The following POT1 variants were observed in gnomAD, a reference collection of about 807,000 sequenced individuals.
POT1 encodes protection of telomeres 1.
Under a neutral mutation model 78.5 loss-of-function variants are expected in POT1, and 47 were observed. The ratio of observed to expected loss-of-function variants is 0.60; its 90% confidence interval spans 0.47 to 0.76. The LOEUF is 0.76. Among genes scored for constraint, POT1 ranks in the 30% least tolerant of loss-of-function variants. The pLI is 0.00. For synonymous variants in POT1, 259 were observed against 260.7 expected (o/e 0.99, Z 0.06); for missense variants, 646 against 749.9 (o/e 0.86, Z 1.62).
In POT1 at chr7:124,885,698, G is replaced by A. The variant is rs370201157; in HGVS notation, c.124+6568C>T. On this transcript the variant is annotated intron_variant, in intron 6 of 18. Transcript: ENST00000357628. ...GGAGAATGGCGTGAACCCAGGAGGC[G>A]GAGCTTGCAGTGAGCTAAGATCATG... 1.7e-4 allele frequency among the ~76,000 whole-genome samples: 26 copies of A among 151,992 alleles called. No homozygotes were observed. The South Asian group carries it at 5.2e-3, about 30-fold the overall frequency.
At chr7:124,841,233 T>C in intron 13 of POT1, 55 bp from the exon 14 acceptor site, 4 of 1,365,090 alleles carry the variant, frequency 2.9e-6, no homozygotes. Context: ...AGCGTGAAGA[T>C]TTCCATTTAA....
intron 15 of POT1, among the ~76,000 whole-genome samples, chr7:124,831,893 G>A (rs756467385): frequency 4.0e-5 from 6 of 150,520 alleles, no homozygotes; most frequent in Non-Finnish European, 8.8e-5. Flanking sequence ...TGATGAGAAG[G>A]ATTTAATCCA....
intron 7 of POT1, among the ~76,000 whole-genome samples, chr7:124,867,925 C>T (rs766406505): frequency 1.9e-4 from 29 of 152,062 alleles, no homozygotes; most frequent in Non-Finnish European, 3.7e-4. Context: ...GGATTATAGG[C>T]GTGAGCCACC....
chr7:124,921,838 A>C lies in POT1; in HGVS notation c.-226-6192T>G, dbSNP rs375682400. ...AACATACACACGTAATTGGCATCCC[A>C]AAAAAGAGAAAAGGGTAATAATGTG... On this transcript the variant is annotated intron_variant, in intron 2 of 18. Transcript: ENST00000357628. 2.0e-4 allele frequency among the ~76,000 whole-genome samples: 31 copies of C among 152,196 alleles called. 1 individual carries two copies. In the East Asian group the frequency reaches 2.7e-3, roughly 13 times the overall value.
chr7:124,895,408 C>A (rs1447742313), intron 5 of POT1, among the ~76,000 whole-genome samples: 1 of 151,382 alleles, frequency 6.6e-6, no homozygotes, highest in Non-Finnish European at 1.5e-5. Context: ...AAAATGTGAG[C>A]CCTGGTTAAA....
intron 12 of POT1, among the ~76,000 whole-genome samples, chr7:124,843,995 G>A (rs1795095433): frequency 6.6e-6 from 1 of 152,080 alleles, no homozygotes; most frequent in South Asian, 2.1e-4. Flanking sequence ...AGATACTTCT[G>A]TGACAAATGA....
At chr7:124,864,720 T>C (rs146006702) in intron 7 of POT1, among the ~76,000 whole-genome samples, 3 of 152,198 alleles carry the variant, frequency 2.0e-5, no homozygotes, top group Non-Finnish European at 4.4e-5. Context: ...TTTTCAATGG[T>C]AGAATTCCAT....
chr7:124,872,152 A>C (rs1795885849), intron 6 of POT1, among the ~76,000 whole-genome samples: 1 of 152,108 alleles, frequency 6.6e-6, no homozygotes, highest in Non-Finnish European at 1.5e-5. Context: ...TGTTGTTGTA[A>C]ATGACAGAAT....
At chr7:124,842,570 G>A (rs942721791) in intron 13 of POT1, among the ~76,000 whole-genome samples, 1 of 151,808 alleles carries the variant, frequency 6.6e-6, no homozygotes, top group South Asian at 2.1e-4. Context: ...TTTCTCATTT[G>A]CCTTTATCAG....
intron 2 of POT1, among the ~76,000 whole-genome samples, chr7:124,922,115 G>C (rs1554441876): frequency 6.7e-6 from 1 of 149,184 alleles, no homozygotes; most frequent in African/African-American, 2.5e-5. Context: ...AGTCCTAAAA[G>C]AAAAAAAAAG....
intron 7 of POT1, among the ~76,000 whole-genome samples, chr7:124,864,829 A>G (rs780327937): frequency 2.0e-5 from 3 of 152,140 alleles, no homozygotes; most frequent in African/African-American, 7.2e-5. Flanking sequence ...CTTTAAATAG[A>G]CATTTCTCTT....
chr7:124,829,384 A>C (rs1374533993), intron 15 of POT1, 42 bp from the exon 16 acceptor site: 1 of 1,298,028 alleles, frequency 7.7e-7, no homozygotes, highest in Non-Finnish European at 1.1e-6. Flanking sequence ...TTTAAAAATA[A>C]TTTAGCTTGT....
rs368344336 is a variant in POT1 at position 124,853,151 on chromosome 7, T to C, written c.703-13A>G. Reference sequence around the variant, plus strand: ...GAAAGCTTCCAACCTAAAAAATAGATCATTTGTTATTTAGAAAGTGGGGAA... The same window carrying C: ...GAAAGCTTCCAACCTAAAAAATAGACCATTTGTTATTTAGAAAGTGGGGAA... On this transcript the variant is annotated splice_polypyrimidine_tract_variant and intron_variant, in intron 9 of 18. Transcript: ENST00000357628. 1 of 1,535,360 alleles carries C rather than the reference T, an allele frequency of 6.5e-7. No individual in the cohort carries two copies. Among genetic ancestry groups the C allele is most frequent in the Non-Finnish European group, 8.9e-7 (1 of 1,127,214 alleles).
chr7:124,900,863 C>A, intron 3 of POT1: 1 of 374,808 alleles, frequency 2.7e-6, no homozygotes, highest in Non-Finnish European at 5.6e-6. Context: ...CCATGCCTGG[C>A]TCATCAGGTC....
intron 3 of POT1, among the ~76,000 whole-genome samples, chr7:124,908,178 G>A (rs977481744): frequency 1.3e-5 from 2 of 151,978 alleles, no homozygotes; most frequent in African/African-American, 4.8e-5. Flanking sequence ...AATCTTGTTA[G>A]GTTACCATAT....
intron 3 of POT1, among the ~76,000 whole-genome samples, chr7:124,904,280 A>G (rs1295353729): frequency 6.6e-6 from 1 of 152,030 alleles, no homozygotes; most frequent in Admixed American, 6.6e-5. Context: ...AAATACTGGC[A>G]AACCAAATCC....
intron 16 of POT1, among the ~76,000 whole-genome samples, chr7:124,828,339 T>G (rs895522506): frequency 6.6e-6 from 1 of 152,148 alleles, no homozygotes; most frequent in Non-Finnish European, 1.5e-5. Context: ...AATAAGAAAT[T>G]AGACATACTG....
At chr7:124,835,866 C>T (rs1794889308) in intron 14 of POT1, among the ~76,000 whole-genome samples, 1 of 152,032 alleles carries the variant, frequency 6.6e-6, no homozygotes, top group Admixed American at 6.6e-5. Flanking sequence ...AATATGAATT[C>T]ACATATAAAA....
chr7:124,855,355 C>T (rs1179331107), intron 9 of POT1, among the ~76,000 whole-genome samples: 3 of 151,162 alleles, frequency 2.0e-5, no homozygotes, highest in South Asian at 2.1e-4. Context: ...GGTGAACACA[C>T]GGGTGTTTAT....
Sources: gnomAD v4.1 joint callset for allele counts (sites outside exome capture counted in the v4.1 genomes callset) on GRCh38, gnomAD v4.1.1 for gene constraint, MANE v1.5 for transcripts, NCBI Gene and HGNC (gene_info 2026-07-23, HGNC 2026-07-21) for gene names.